Variants in ERICH1 observed in about 807,000 individuals in gnomAD.
ERICH1 encodes the protein glutamate rich 1, also known as glutamate-rich protein 1.
In ERICH1, 56 loss-of-function variants were observed where a neutral mutation model predicts 39.6. The ratio of observed to expected loss-of-function variants is 1.41; its 90% CI spans 1.14 to 1.77. The LOEUF is 1.77. Among genes scored for constraint, ERICH1 ranks in the 40% most tolerant of loss-of-function variants. The pLI, the probability that ERICH1 is intolerant of heterozygous loss-of-function variation, is 0.00. For missense variants in ERICH1, 826 were observed against 575.4 expected (o/e 1.44, Z -4.45); for synonymous variants, 313 against 223.6 (o/e 1.40, Z -3.57).
chr8:673,106 T>C (rs900711427), intron 4 of ERICH1, among the ~76,000 whole-genome samples, 183 bp downstream of exon 4: 3 of 152,278 alleles, frequency 2.0e-5, no homozygotes, highest in African/African-American at 7.2e-5. Context: ...AATACTCTGA[T>C]CTTTGCCTTA....
In ERICH1 at chr8:698,020, C is replaced by T. The variant is rs533322310; in HGVS notation, c.170-5408G>A. ...AGCTCACGGGGGCCACCGGCGTGTA[C>T]CTGTGACATGGAGCCCTCGGACCCG... On this transcript the variant is annotated intron_variant, in intron 2 of 5. Transcript: ENST00000262109. Among the ~76,000 whole-genome samples the T allele has an allele frequency of 9.7e-4, 148 of 152,220 alleles. 2 individuals are homozygous for T. Among genetic ancestry groups the T allele is most frequent in the African/African-American group, 3.5e-3 (144 of 41,538 alleles).
chr8:692,670 A>G, intron 2 of ERICH1, 58 bp from the exon 3 acceptor site: 1 of 1,488,568 alleles, frequency 6.7e-7, no homozygotes, highest in Non-Finnish European at 9.0e-7. Context: ...GCAGTCATTT[A>G]TTTGCCTTGA....
intron 2 of ERICH1, among the ~76,000 whole-genome samples, chr8:693,696 A>G (rs7821983): frequency 0.91 from 133,450 of 147,066 alleles, 60,537 homozygotes; most frequent in South Asian, 0.95. Context: ...CTCTACCAGA[A>G]GTCATCACCA....
intron 2 of ERICH1, among the ~76,000 whole-genome samples, chr8:694,629 C>T (rs1278001762): frequency 6.6e-6 from 1 of 152,202 alleles, no homozygotes; most frequent in African/African-American, 2.4e-5. Context: ...CAGTCACAGG[C>T]ACCACGCAGA....
intron 2 of ERICH1, among the ~76,000 whole-genome samples, chr8:704,152 AG>A (rs1245130186): frequency 6.6e-6 from 1 of 152,254 alleles, no homozygotes; most frequent in Non-Finnish European, 1.5e-5. Flanking sequence ...ACAAGAATTA[AG>A]GTATACTTGA....
At position 629,166 on chromosome 8, in the gene ERICH1, T is replaced by C. The variant is rs544261057; in HGVS notation, c.977-13882A>G. 5.3e-5 allele frequency among the ~76,000 whole-genome samples: 8 copies of C among 152,242 alleles called. No individual in the cohort carries two copies. In the South Asian group the frequency reaches 8.3e-4, roughly 16 times the overall value. On this transcript the variant is annotated intron_variant, in intron 3 of 3. Transcript: ENST00000522706. Reference sequence around the variant, plus strand: ...ATGCCAAACTGAGCACACGTGATCATACGGTCCCACCCAGCACCCCCTTCC... The same window carrying C: ...ATGCCAAACTGAGCACACGTGATCACACGGTCCCACCCAGCACCCCCTTCC...
At chr8:730,990 G>T in intron 1 of ERICH1, 150 bp downstream of exon 1, 1 of 917,292 alleles carries the variant, frequency 1.1e-6, no homozygotes, top group South Asian at 3.0e-5. Flanking sequence ...AGCGGGGGAT[G>T]GGTAGGGACT....
At chr8:642,612 A>C (rs926751725) in intron 3 of ERICH1, among the ~76,000 whole-genome samples, 7 of 151,814 alleles carry the variant, frequency 4.6e-5, no homozygotes, top group Non-Finnish European at 7.4e-5. Flanking sequence ...CCAAAGTGGA[A>C]ATTTTTTTTT....
rs762754116 is a variant in ERICH1, at chr8:692,509, G to A, written c.273C>T (p.Pro91=). The change falls in exon 3 of 6, where the codon CCC becomes CCT. Residue 91 remains proline, a synonymous_variant. Transcript: ENST00000262109. Reference sequence around the variant, plus strand: ...TGTCATCCCCGCTGGAGGCGTTCTCGGGGCTCCCACAGCTGCTGGGCTCCG... The same window carrying A: ...TGTCATCCCCGCTGGAGGCGTTCTCAGGGCTCCCACAGCTGCTGGGCTCCG... ...CWPEPSSCGS[P]ENASSGDDTE... is the part of the protein sequence containing the mutation. 3.0e-5 allele frequency: 48 copies of A among 1,613,790 alleles called. No individual in the cohort carries two copies. The highest frequency in any genetic ancestry group is 1.9e-4 in the South Asian group (17 of 91,084).
intron 2 of ERICH1, among the ~76,000 whole-genome samples, chr8:698,677 G>C (rs944058387): frequency 6.6e-6 from 1 of 152,018 alleles, no homozygotes; most frequent in African/African-American, 2.4e-5. Flanking sequence ...ATGCAATGAT[G>C]CGATCATGGC....
chr8:676,487 A>T (rs62487388), intron 3 of ERICH1, among the ~76,000 whole-genome samples: 2 of 47,724 alleles, frequency 4.2e-5, no homozygotes, highest in East Asian at 9.9e-4. Context: ...GAGGACAGAG[A>T]CGCGGCGGCC....
intron 3 of ERICH1, among the ~76,000 whole-genome samples, chr8:684,338 TATTC>T (rs1335157011): frequency 6.6e-6 from 1 of 152,166 alleles, no homozygotes; most frequent in African/African-American, 2.4e-5. Flanking sequence ...GCCATTGAAT[TATTC>T]AATAAATATA....
At position 673,511 on chromosome 8, in the gene ERICH1, C is replaced by G; in HGVS notation, c.841G>C (p.Asp281His). ...EEDGVDTIEE[D>H]LTRAGEEDGK... ...TCTTCCTCCCCGGCCCGTGTCAGGT[C>G]TTCCTCAATGGTGTCCACACCGTCC... Residue 281 changes from aspartate to histidine, a missense_variant, in exon 4 of 6, where the codon GAC becomes CAC. Transcript: ENST00000262109. 1 of 1,613,294 alleles carries G rather than the reference C, an allele frequency of 6.2e-7. No individual in the cohort carries two copies. The highest frequency in any genetic ancestry group is 8.5e-7 in the Non-Finnish European group (1 of 1,179,788).
chr8:678,152 T>TA (rs139208924), intron 3 of ERICH1, among the ~76,000 whole-genome samples: 2,345 of 148,450 alleles, frequency 0.016, 26 homozygotes, highest in Non-Finnish European at 0.022. Flanking sequence ...TAATATACAT[T>TA]AAAAAAAAAA....
intron 2 of ERICH1, among the ~76,000 whole-genome samples, chr8:707,748 A>G (rs1025075276): frequency 6.6e-6 from 1 of 152,262 alleles, no homozygotes; most frequent in Non-Finnish European, 1.5e-5. Flanking sequence ...ATGATGTCTT[A>G]AATATGATAT....
At chr8:679,589 C>A (rs966707368) in intron 3 of ERICH1, among the ~76,000 whole-genome samples, 2 of 152,312 alleles carry the variant, frequency 1.3e-5, no homozygotes, top group East Asian at 1.9e-4. Context: ...AAGATATTCA[C>A]GAGATTCCAG....
In ERICH1 at chr8:627,325, T is replaced by A. The variant is rs796169898; in HGVS notation, c.977-12041A>T. The A allele has an allele frequency of 7.2e-6, 3 of 416,630 alleles. No individual in the cohort carries two copies. The Admixed American group carries it at 7.4e-5, about 10-fold the overall frequency. The allele number at this position is 416,630 out of a possible 1,614,324, so 25.8% of individuals were successfully genotyped here. Reference sequence around the variant, plus strand: ...GGGGCTGGCAGACGAAGGGCTTGAGTGAATGACAGCTCCTTGTCTCCCATT... The same window carrying A: ...GGGGCTGGCAGACGAAGGGCTTGAGAGAATGACAGCTCCTTGTCTCCCATT... On this transcript the variant is annotated intron_variant, in intron 3 of 3. Coordinates refer to the ERICH1 transcript ENST00000522706.
At chr8:633,616 T>C (rs1336743940) in intron 3 of ERICH1, among the ~76,000 whole-genome samples, 2 of 152,216 alleles carry the variant, frequency 1.3e-5, no homozygotes, top group Non-Finnish European at 2.9e-5. Flanking sequence ...GAGACTCACA[T>C]TTCCTGATTC....
intron 2 of ERICH1, among the ~76,000 whole-genome samples, chr8:707,546 G>A (rs571235646): frequency 6.6e-6 from 1 of 152,032 alleles, no homozygotes; most frequent in Non-Finnish European, 1.5e-5. Context: ...CACTTGATGG[G>A]GAAATGATGT....
Sources: allele counts gnomAD v4.1 joint callset (sites outside exome capture counted in the v4.1 genomes callset), GRCh38; gene constraint gnomAD v4.1.1; transcripts MANE v1.5; gene names NCBI Gene and HGNC (gene_info 2026-07-23, HGNC 2026-07-21).